SLC30A4: variants seen among roughly 807,000 people sequenced by gnomAD.
The protein encoded by SLC30A4 is solute carrier family 30 member 4, also known as probable proton-coupled zinc antiporter SLC30A4.
SLC30A4 carries 20 observed loss-of-function variants against 41.7 expected under a neutral mutation model. That is an observed-to-expected ratio of 0.48 (90% CI 0.34 to 0.70). The LOEUF (loss-of-function observed/expected upper bound fraction) is 0.70. SLC30A4 is among the 30% of genes least tolerant of loss of function. The pLI, the probability that SLC30A4 is intolerant of heterozygous loss-of-function variation, is 0.01. For missense variants in SLC30A4, 441 were observed against 529.3 expected (o/e 0.83, Z 1.64); for synonymous variants, 181 against 195.9 (o/e 0.92, Z 0.64).
In SLC30A4 at chr15:45,521,947, T is replaced by G; in HGVS notation, c.391+17A>C. 1.2e-6 allele frequency: 2 copies of G among 1,602,732 alleles called. No homozygotes were observed. The highest frequency in any genetic ancestry group is 8.5e-7 in the Non-Finnish European group (1 of 1,171,954). On this transcript the variant is annotated intron_variant, in intron 2 of 7. Transcript: ENST00000261867. ...CGAGGAAAGGTAAACGGAAAGTGAG[T>G]TGGCAACACAACTCACCTACAAGTT...
In SLC30A4 at chr15:45,480,227, A is replaced by G. The variant is rs1459844041; in HGVS notation, c.*4936T>C. The G allele has an allele frequency of 6.6e-6, 1 of 152,224 alleles. No homozygotes were observed. The highest frequency in any genetic ancestry group is 1.5e-5 in the Non-Finnish European group (1 of 68,044). The allele number at this position is 152,224 out of a possible 1,614,324, so 9.4% of individuals were successfully genotyped here. ...CCTCAATGATTGGAACAGCAGGTTA[A>G]ACCCTTTACAAGTCAGAATTCAGTG... On this transcript the variant is annotated 3_prime_UTR_variant, in exon 8 of 8. Coordinates refer to ENST00000261867, the MANE Select transcript of SLC30A4 (RefSeq NM_013309.6).
Position 45,488,855 on chromosome 15 carries a change from T to C in SLC30A4, c.880A>G (p.Ile294Val). 6.2e-7 allele frequency: 1 copy of C among 1,613,004 alleles called. No homozygotes were observed. Among genetic ancestry groups the C allele is most frequent in the Non-Finnish European group, 8.5e-7 (1 of 1,179,040 alleles). The change falls in exon 5 of 8, where the codon ATC (isoleucine) becomes GTC (valine). Residue 294 changes from isoleucine to valine, a missense_variant. Ile to Val is a conservative substitution (Grantham distance 29). Transcript: ENST00000261867. ...AATCATATTACCTTGAATCGTATGA[T>C]GTATGCAGCTATTAGCACACCAACA... ...QSVGVLIAAY[I>V]IRFKPEYKIA...
At chr15:45,486,819 T>A in intron 6 of SLC30A4, 74 bp from the exon 7 acceptor site, 1 of 834,040 alleles carries the variant, frequency 1.2e-6, no homozygotes, top group Non-Finnish European at 1.8e-6. Context: ...CGATGACATT[T>A]ATCAAAGAAA....
At chr15:45,505,485 T>C (rs1444812532) in intron 3 of SLC30A4, among the ~76,000 whole-genome samples, 2 of 152,216 alleles carry the variant, frequency 1.3e-5, no homozygotes, top group Admixed American at 6.5e-5. Flanking sequence ...TGCTTCCTCA[T>C]GCAGAATCCC....
intron 2 of SLC30A4, among the ~76,000 whole-genome samples, chr15:45,516,550 A>G (rs752427608): frequency 6.7e-6 from 1 of 148,290 alleles, no homozygotes; most frequent in African/African-American, 2.7e-5. Flanking sequence ...GTGTGAATTT[A>G]TATCTTTTTT....
chr15:45,500,308 A>G (rs1891993550), intron 3 of SLC30A4, among the ~76,000 whole-genome samples: 1 of 152,206 alleles, frequency 6.6e-6, no homozygotes, highest in African/African-American at 2.4e-5. Flanking sequence ...TCCTTACCAC[A>G]TTATTTACTT....
chr15:45,510,303 C>CA (rs906973841), intron 3 of SLC30A4, among the ~76,000 whole-genome samples: 1 of 151,896 alleles, frequency 6.6e-6, no homozygotes, highest in Non-Finnish European at 1.5e-5. Flanking sequence ...AAGAAACAAA[C>CA]AAAAAATCTA....
intron 3 of SLC30A4, among the ~76,000 whole-genome samples, chr15:45,491,246 C>T (rs1891804208): frequency 6.6e-6 from 1 of 152,176 alleles, no homozygotes; most frequent in South Asian, 2.1e-4. Context: ...TGGTTAGCAG[C>T]TTGACTGATA....
chr15:45,514,256 ATTAC>A (rs1215509917), intron 2 of SLC30A4, among the ~76,000 whole-genome samples: 1 of 151,320 alleles, frequency 6.6e-6, no homozygotes, highest in Non-Finnish European at 1.5e-5. Flanking sequence ...AGGTAGAAGA[ATTAC>A]TTGAACCCAG....
chr15:45,522,494 AT>A, intron 1 of SLC30A4, 26 bp from the exon 2 acceptor site: 1 of 877,470 alleles, frequency 1.1e-6, no homozygotes, highest in Non-Finnish European at 1.7e-6. Context: ...CACGTTATAA[AT>A]TAAAGGCGCC....
chr15:45,505,238 T>TAAAAAAAAAAAAAAAAAAA (rs1209222695), intron 3 of SLC30A4, among the ~76,000 whole-genome samples: 16 of 52,758 alleles, frequency 3.0e-4, no homozygotes, highest in African/African-American at 5.7e-4. Context: ...TCTCAAAAAT[T>TAAAAAAAAAAAAAAAAAAA]AAAAAAAAAA....
chr15:45,488,786 T>A, intron 5 of SLC30A4, 55 bp downstream of exon 5: 1 of 1,428,956 alleles, frequency 7.0e-7, no homozygotes, highest in East Asian at 2.3e-5. Flanking sequence ...TCAGCCTTAG[T>A]TTTCATGTTG....
Position 45,521,652 on chromosome 15 carries a change from C to T in SLC30A4, c.391+312G>A, listed in dbSNP as rs529067231. Among the ~76,000 whole-genome samples the T allele has an allele frequency of 3.9e-5, 6 of 152,272 alleles. No homozygotes were observed. The South Asian group carries it at 1.0e-3, about 26-fold the overall frequency. Reference sequence around the variant, plus strand: ...CTATTTTAAACGTTGCGAAAATTAACCTGGTATTTTACCAGACCTTTGTAA... The same window carrying T: ...CTATTTTAAACGTTGCGAAAATTAATCTGGTATTTTACCAGACCTTTGTAA... On this transcript the variant is annotated intron_variant, in intron 2 of 7. Coordinates refer to ENST00000261867, the MANE Select transcript of SLC30A4 (RefSeq NM_013309.6).
intron 3 of SLC30A4, among the ~76,000 whole-genome samples, chr15:45,494,714 G>T (rs1891877862): frequency 6.8e-6 from 1 of 146,662 alleles, no homozygotes; most frequent in African/African-American, 2.7e-5. Context: ...AAACAAAACT[G>T]TAAAGAAGAA....
In SLC30A4 at chr15:45,479,768, A is replaced by C. The variant is rs938649472; in HGVS notation, c.*5395T>G. ...TTAAGAGACTGTACATTTTTATTTA[A>C]TAAACCACATGGCAAAACAATACTT... On this transcript the variant is annotated 3_prime_UTR_variant, in exon 8 of 8. Transcript: ENST00000261867. 2.6e-5 allele frequency: 4 copies of C among 152,028 alleles called. No individual in the cohort carries two copies. The highest frequency in any genetic ancestry group is 9.7e-5 in the African/African-American group (4 of 41,434). 9.4% of individuals were successfully genotyped at this position (152,028 alleles called of 1,614,324 possible).
chr15:45,511,205 G>C lies in SLC30A4; in HGVS notation c.471C>G (p.Thr157=). Residue 157 remains threonine, a synonymous_variant, in exon 3 of 8, where the codon ACC becomes ACG. Transcript: ENST00000261867. ...TTGATGATAGCCACAAAGCAAGCAG[G>C]GTGAGTATGATGGCGCTTAGGTCAG... ...MLTDLSAIIL[T]LLALWLSSKS... 6.2e-7 allele frequency: 1 copy of C among 1,613,478 alleles called. No homozygotes were observed. The highest frequency in any genetic ancestry group is 8.5e-7 in the Non-Finnish European group (1 of 1,179,564).
chr15:45,516,607 G>A (rs1227419318), intron 2 of SLC30A4, among the ~76,000 whole-genome samples: 1 of 152,044 alleles, frequency 6.6e-6, no homozygotes, highest in African/African-American at 2.4e-5. Context: ...GGTGGCTCAC[G>A]CCTGTAATCC....
intron 5 of SLC30A4, 71 bp downstream of exon 5, chr15:45,488,770 T>A: frequency 8.2e-7 from 1 of 1,216,948 alleles, no homozygotes; most frequent in Non-Finnish European, 1.2e-6. Context: ...TATACTGATA[T>A]GACAATCAGC....
intron 3 of SLC30A4, among the ~76,000 whole-genome samples, chr15:45,499,332 AG>A (rs1891971417): frequency 6.6e-6 from 1 of 152,104 alleles, no homozygotes; most frequent in African/African-American, 2.4e-5. Context: ...TTGGCCTCTC[AG>A]AGTGCTGGGA....
Sources: allele counts gnomAD v4.1 joint callset (sites outside exome capture counted in the v4.1 genomes callset), GRCh38; gene constraint gnomAD v4.1.1; transcripts MANE v1.5; gene names NCBI Gene and HGNC (gene_info 2026-07-23, HGNC 2026-07-21).